The following ZNF514 variants were observed in gnomAD, a reference collection of about 807,000 sequenced individuals.
ZNF514 encodes the protein zinc finger protein 514.
In ZNF514, 12 loss-of-function variants were observed where a neutral mutation model predicts 9.7. The ratio of observed to expected loss-of-function variants is 1.24; its 90% confidence interval spans 0.79 to 2.01. ZNF514 has a LOEUF of 2.01. Ranked by LOEUF, ZNF514 falls within the 30% of genes most tolerant of loss-of-function variation. ZNF514 has a pLI of 0.00. For missense variants in ZNF514, 467 were observed against 465.5 expected, an observed-to-expected ratio of 1.00 and a Z score of -0.03; for synonymous variants, 158 against 163.7, an observed-to-expected ratio of 0.97 and a Z score of 0.27.
At chr2:95,143,396 G>A (rs1205034933), downstream of ZNF514, among the ~76,000 whole-genome samples, 1 of 152,156 alleles carries the variant, frequency 6.6e-6, no homozygotes, top group Non-Finnish European at 1.5e-5. Context: ...CGAGGCGGGT[G>A]AATCACCTGA....
At chr2:95,140,353 C>G (rs1676807715), downstream of ZNF514, among the ~76,000 whole-genome samples, 1 of 152,164 alleles carries the variant, frequency 6.6e-6, no homozygotes, top group African/African-American at 2.4e-5. Flanking sequence ...GGCACCATGG[C>G]TCACGCCTGT....
Position 95,149,402 on chromosome 2 carries a change from T to A in ZNF514, c.1083A>T (p.Gln361His), listed in dbSNP as rs758492586. The A allele has an allele frequency of 2.4e-5, 38 of 1,612,736 alleles. 3 individuals carry two copies. In the South Asian group the frequency reaches 4.0e-4, roughly 17 times the overall value. The part of the protein sequence containing the change: ...RAFSQSSSLT[Q>H]HYRFHTGEKP... ...TCTCTCCAGTGTGAAATCTGTAATG[T>A]TGAGTGAGAGATGAACTCTGGCTGA... Residue 361 changes from glutamine (Q) to histidine (H), a missense_variant, in exon 5 of 5, where the codon CAA becomes CAT. By Grantham distance (24) the Gln-to-His change is conservative. Coordinates refer to ENST00000295208, the MANE Select transcript of ZNF514 (RefSeq NM_032788.3).
chr2:95,145,078 G>A lies in ZNF514; in HGVS notation c.*4204C>T, dbSNP rs562682344. 4.6e-5 allele frequency among the ~76,000 whole-genome samples: 7 copies of A among 152,282 alleles called. No individual in the cohort carries two copies. The South Asian group carries it at 6.2e-4, about 14-fold the overall frequency. ...TCATATAGTACAAAAACATGCAGTC[G>A]GAAGCACTGAGAAAACTGGGCAACA... is the stretch of plus-strand genomic sequence containing the variant. On this transcript the variant is annotated 3_prime_UTR_variant, in exon 5 of 5. Coordinates refer to ENST00000295208, the MANE Select transcript of ZNF514 (RefSeq NM_032788.3).
downstream of ZNF514, among the ~76,000 whole-genome samples, chr2:95,140,288 T>C (rs1676806619): frequency 6.6e-6 from 1 of 152,036 alleles, no homozygotes; most frequent in Non-Finnish European, 1.5e-5. Context: ...ATAATAATAA[T>C]AAAACTCCAG....
chr2:95,146,422 G>A lies in ZNF514; in HGVS notation c.*2860C>T, dbSNP rs1232377105. Among the ~76,000 whole-genome samples the A allele has an allele frequency of 6.6e-6, 1 of 152,122 alleles. No individual in the cohort carries two copies. Among genetic ancestry groups the A allele is most frequent in the African/African-American group, 2.4e-5 (1 of 41,420 alleles). On this transcript the variant is annotated 3_prime_UTR_variant, in exon 5 of 5. Coordinates refer to ENST00000295208, the MANE Select transcript of ZNF514 (RefSeq NM_032788.3). ...GGAAGGGAAATTTACACAGGTTTCT[G>A]ACTGATTATGTAGGCTTTAGGTAAG...
the ZNF514 span, among the ~76,000 whole-genome samples, chr2:95,131,923 G>A: frequency 2.0e-5 from 3 of 151,778 alleles, no homozygotes; most frequent in Non-Finnish European, 2.9e-5. Context: ...AGGGTGGATC[G>A]CTTACGGTCA....
In ZNF514 at chr2:95,152,696, T is replaced by C; in HGVS notation, c.195A>G (p.Glu65=). Residue 65 remains glutamate (E), a synonymous_variant, in exon 4 of 5, where the codon GAA becomes GAG. Transcript: ENST00000295208. The part of the protein sequence containing the change: ...EGGEPFMVER[E]ISTGAHSDWK... ...CACCTGAGTGGGCTCCTGTTGAGAT[T>C]TCTCTCTCCACCATGAAGGGCTCAC... 1 of 1,614,142 alleles carries C rather than the reference T, an allele frequency of 6.2e-7. No individual in the cohort carries two copies.
chr2:95,144,434 A>G (rs1394484704), downstream of ZNF514, among the ~76,000 whole-genome samples: 1 of 152,184 alleles, frequency 6.6e-6, no homozygotes, highest in African/African-American at 2.4e-5. Flanking sequence ...ATTCATGAAT[A>G]TTTAATAAAA....
chr2:95,154,677 G>A (rs1673643134), intron 2 of ZNF514: 1 of 152,188 alleles, frequency 6.6e-6, no homozygotes, highest in South Asian at 2.1e-4. Context: ...AGAGTTTGTG[G>A]TTTGCAAAAC....
chr2:95,155,109 T>C (rs1484199915), intron 2 of ZNF514: 3 of 152,210 alleles, frequency 2.0e-5, no homozygotes, highest in African/African-American at 7.2e-5. Context: ...CTGATTAAGT[T>C]TTTTAGAGTT....
downstream of ZNF514, among the ~76,000 whole-genome samples, chr2:95,142,203 C>A (rs1558696733): frequency 6.6e-6 from 1 of 152,166 alleles, no homozygotes; most frequent in Non-Finnish European, 1.5e-5. Flanking sequence ...CATCTGTCAC[C>A]AGACCACCAT....
At chr2:95,123,570 A>G in the ZNF514 span, among the ~76,000 whole-genome samples, 1 of 152,226 alleles carries the variant, frequency 6.6e-6, no homozygotes, top group Non-Finnish European at 1.5e-5. Context: ...ACCAAGCCCA[A>G]GAGTTTTCTT....
downstream of ZNF514, among the ~76,000 whole-genome samples, chr2:95,141,516 A>C (rs1673221691): frequency 6.6e-6 from 1 of 152,170 alleles, no homozygotes; most frequent in Admixed American, 6.5e-5. Flanking sequence ...ACCATGCTGT[A>C]TGAAGGCATG....
chr2:95,151,321 G>C (rs1489181184), intron 4 of ZNF514, among the ~76,000 whole-genome samples: 2 of 152,210 alleles, frequency 1.3e-5, no homozygotes, highest in African/African-American at 4.8e-5. Flanking sequence ...AGATGGACGA[G>C]GGGCACTTTC....
At chr2:95,156,164 T>C (rs1301438889) in intron 2 of ZNF514, among the ~76,000 whole-genome samples, 1 of 152,180 alleles carries the variant, frequency 6.6e-6, no homozygotes. Context: ...ACTAGGGGGG[T>C]TCCCCCTTTT....
chr2:95,137,903 T>G, the ZNF514 span, among the ~76,000 whole-genome samples: 1 of 152,166 alleles, frequency 6.6e-6, no homozygotes, highest in Admixed American at 6.5e-5. Flanking sequence ...GGATCATGGG[T>G]GTGGAGTTCT....
downstream of ZNF514, among the ~76,000 whole-genome samples, chr2:95,143,870 A>G (rs561276018): frequency 3.9e-5 from 6 of 152,346 alleles, no homozygotes; most frequent in South Asian, 1.2e-3. Flanking sequence ...TCTTAGTTAA[A>G]TAAATTAAAG....
rs1457155952 is a variant in ZNF514 at position 95,147,683 on chromosome 2, G to A, written c.*1599C>T. 6.7e-6 allele frequency: 1 copy of A among 149,368 alleles called. No individual in the cohort carries two copies. The highest frequency in any genetic ancestry group is 6.8e-5 in the Admixed American group (1 of 14,734). 9.3% of individuals were successfully genotyped at this position (149,368 alleles called of 1,614,324 possible). ...AGACGGAGTCTCACTCTGTCTCCCAGGCTGGAGTGCAGTGGCGTGATCTCG... is the reference window on the plus strand; with the variant it reads ...AGACGGAGTCTCACTCTGTCTCCCAAGCTGGAGTGCAGTGGCGTGATCTCG... On this transcript the variant is annotated 3_prime_UTR_variant, in exon 5 of 5. Coordinates refer to ENST00000295208, the MANE Select transcript of ZNF514 (RefSeq NM_032788.3).
At chr2:95,153,599 C>T in intron 2 of ZNF514, 1 of 174,628 alleles carries the variant, frequency 5.7e-6, no homozygotes, top group East Asian at 1.5e-4. Context: ...TTATCCTCCA[C>T]CTGCCTGCCA....
Sources: allele counts gnomAD v4.1 joint callset (sites outside exome capture counted in the v4.1 genomes callset), GRCh38; gene constraint gnomAD v4.1.1; transcripts MANE v1.5; gene names NCBI Gene and HGNC (gene_info 2026-07-23, HGNC 2026-07-21).